FKBP3: variants seen among roughly 807,000 people sequenced by gnomAD.
FKBP3 encodes FKBP prolyl isomerase 3.
Under a neutral mutation model 30.6 loss-of-function variants are expected in FKBP3, and 21 were observed. The observed-to-expected ratio is 0.69, with a 90% CI of 0.49 to 0.99. FKBP3 has a LOEUF of 0.99. Among genes scored for constraint, FKBP3 ranks in the 50% least tolerant of loss-of-function variants. The pLI is 0.00. For synonymous variants in FKBP3, 82 were observed against 91.3 expected (o/e 0.90, Z 0.58); for missense variants, 283 against 261.6 (o/e 1.08, Z -0.56).
At chr14:45,132,154 T>C (rs1377151026) in intron 1 of FKBP3, among the ~76,000 whole-genome samples, 1 of 152,244 alleles carries the variant, frequency 6.6e-6, no homozygotes, top group Non-Finnish European at 1.5e-5. Flanking sequence ...GCTAACACTA[T>C]CACTATTGTA....
chr14:45,122,939 T>C (rs1053720744), intron 3 of FKBP3, among the ~76,000 whole-genome samples: 10 of 151,970 alleles, frequency 6.6e-5, no homozygotes, highest in African/African-American at 2.4e-4. Flanking sequence ...ACACCTGTAA[T>C]CTCAGCACTT....
chr14:45,131,959 A>G (rs2139089312), intron 1 of FKBP3, among the ~76,000 whole-genome samples: 1 of 152,362 alleles, frequency 6.6e-6, no homozygotes, highest in East Asian at 1.9e-4. Flanking sequence ...AAGTCGTAGT[A>G]TAACTTTATC....
intron 5 of FKBP3, among the ~76,000 whole-genome samples, chr14:45,119,114 C>T (rs1367822123): frequency 6.6e-6 from 1 of 152,204 alleles, no homozygotes; most frequent in Non-Finnish European, 1.5e-5. Context: ...GGGTTGGCCT[C>T]TCCATATTTT....
In FKBP3 at chr14:45,129,805, T is replaced by G; in HGVS notation, c.307A>C (p.Thr103Pro). 3.1e-6 allele frequency: 5 copies of G among 1,603,014 alleles called. No homozygotes were observed. Among genetic ancestry groups the G allele is most frequent in the Non-Finnish European group, 4.3e-6 (5 of 1,172,084 alleles). Residue 103 changes from threonine (T) to proline (P), a missense_variant, in exon 3 of 7, where the codon ACC becomes CCC. By Grantham distance (38) the Thr-to-Pro change is conservative (BLOSUM62 -1). Coordinates refer to ENST00000396062, the MANE Select transcript of FKBP3 (RefSeq NM_002013.4). The stretch of plus-strand genomic sequence containing the variant: ...AATTATATACAGACCTCATCCAGGG[T>G]CTCTTCAGACTTGGTTTCTTTGGGT... Reference protein sequence around the residue: ...DKPKETKSEETLDEGPPKYTK... With the variant: ...DKPKETKSEEPLDEGPPKYTK...
intron 5 of FKBP3, among the ~76,000 whole-genome samples, chr14:45,119,303 C>A (rs1884928089): frequency 6.6e-6 from 1 of 152,096 alleles, no homozygotes; most frequent in Non-Finnish European, 1.5e-5. Context: ...GGCAAGGTGG[C>A]TCGTGCCTGT....
At chr14:45,124,575 G>A (rs1246455198) in intron 3 of FKBP3, among the ~76,000 whole-genome samples, 1 of 150,396 alleles carries the variant, frequency 6.6e-6, no homozygotes. Flanking sequence ...CTTTTTTTAA[G>A]AGACAGGGTT....
intron 3 of FKBP3, 129 bp from the exon 4 acceptor site, chr14:45,121,749 A>G (rs561296328): frequency 1.0e-6 from 1 of 994,050 alleles, no homozygotes; most frequent in Non-Finnish European, 1.5e-6. Context: ...AAATAAACAA[A>G]CAAAACCCTC....
chr14:45,121,513 C>T lies in FKBP3; in HGVS notation c.426G>A (p.Gly142=). The T allele has an allele frequency of 6.2e-7, 1 of 1,612,864 alleles. No homozygotes were observed. Among genetic ancestry groups the T allele is most frequent in the Non-Finnish European group, 8.5e-7 (1 of 1,179,408 alleles). Reference sequence around the variant, plus strand: ...TTTGAATATTAGTATCAAAAACAGTCCCATCTTGTAGTGTTCCTGTATACC... The same window carrying T: ...TTTGAATATTAGTATCAAAAACAGTTCCATCTTGTAGTGTTCCTGTATACC... ...HCWYTGTLQD[G]TVFDTNIQTS... Residue 142 remains glycine (G), a synonymous_variant, in exon 4 of 7, where the codon GGG becomes GGA. Transcript: ENST00000396062.
At position 45,120,902 on chromosome 14, in the gene FKBP3, G is replaced by C. The variant is rs1884971124; in HGVS notation, c.507C>G (p.Gly169=). Residue 169 remains glycine, a synonymous_variant, in exon 5 of 7, where the codon GGC becomes GGG. Transcript: ENST00000396062. ...CTTTACTTACTCCTCTGATAACTTTGCCTACTCCGACCTTAAAACTTAAAG... is the reference window on the plus strand; with the variant it reads ...CTTTACTTACTCCTCTGATAACTTTCCCTACTCCGACCTTAAAACTTAAAG... ...AKPLSFKVGV[G]KVIRGWDEAL... The C allele has an allele frequency of 6.2e-7, 1 of 1,612,786 alleles. No homozygotes were observed. Among genetic ancestry groups the C allele is most frequent in the African/African-American group, 1.3e-5 (1 of 74,838 alleles).
At chr14:45,118,646 A>C (rs980365937) in intron 5 of FKBP3, among the ~76,000 whole-genome samples, 13 of 152,114 alleles carry the variant, frequency 8.5e-5, no homozygotes, top group African/African-American at 3.1e-4. Context: ...AACAAACAAA[A>C]AACAAAAAAA....
chr14:45,130,168 C>G (rs1445514858), intron 2 of FKBP3, among the ~76,000 whole-genome samples: 1 of 152,118 alleles, frequency 6.6e-6, no homozygotes, highest in African/African-American at 2.4e-5. Flanking sequence ...CCAACTCATA[C>G]CCAGAGATAT....
At chr14:45,116,610 C>G (rs958152119) in intron 6 of FKBP3, among the ~76,000 whole-genome samples, 3 of 152,076 alleles carry the variant, frequency 2.0e-5, no homozygotes, top group African/African-American at 7.2e-5. Flanking sequence ...AATCCCACCA[C>G]TTTAGGAGGC....
In FKBP3 at chr14:45,128,412, G is replaced by C. The variant is rs1345265580; in HGVS notation, c.318+1382C>G. Among the ~76,000 whole-genome samples, 6 of 152,214 alleles carry C rather than the reference G, an allele frequency of 3.9e-5. No homozygotes were observed. In the East Asian group the frequency reaches 1.2e-3, roughly 29 times the overall value. On this transcript the variant is annotated intron_variant, in intron 3 of 6. Coordinates refer to ENST00000396062, the MANE Select transcript of FKBP3 (RefSeq NM_002013.4). ...AGAAAATGTCAAATACTTTATGTGAGCAATGAGCAATGTGATGGAGAACTG... is the reference window on the plus strand; with the variant it reads ...AGAAAATGTCAAATACTTTATGTGACCAATGAGCAATGTGATGGAGAACTG...
Position 45,134,373 on chromosome 14 carries a change from A to G in FKBP3, c.84T>C (p.Phe28=). The G allele has an allele frequency of 1.2e-6, 2 of 1,613,884 alleles. No individual in the cohort carries two copies. Among genetic ancestry groups the G allele is most frequent in the Non-Finnish European group, 1.7e-6 (2 of 1,179,882 alleles). Residue 28 remains phenylalanine (F), a synonymous_variant, in exon 1 of 7, where the codon TTT becomes TTC. Transcript: ENST00000396062. The stretch of plus-strand genomic sequence containing the variant: ...CCGAATCTGAACCGTGTTCCTGCAG[A>G]AACTTGATAATGTCCTTCTTGGGCA... The part of the protein sequence containing the change: ...EQLPKKDIIK[F]LQEHGSDSFL...
intron 5 of FKBP3, among the ~76,000 whole-genome samples, chr14:45,118,422 G>A (rs1407966327): frequency 1.3e-5 from 2 of 152,030 alleles, no homozygotes; most frequent in Admixed American, 6.6e-5. Flanking sequence ...TTAAGGTCAG[G>A]AGTTTGAGAC....
intron 1 of FKBP3, among the ~76,000 whole-genome samples, chr14:45,132,229 A>G (rs1354052990): frequency 1.3e-5 from 2 of 152,196 alleles, no homozygotes; most frequent in Admixed American, 6.5e-5. Context: ...GAAAGGAGAC[A>G]AAGTTGACTA....
chr14:45,131,883 CT>C (rs891546768), intron 1 of FKBP3, among the ~76,000 whole-genome samples: 2 of 152,160 alleles, frequency 1.3e-5, no homozygotes, highest in African/African-American at 4.8e-5. Flanking sequence ...AGCGGAATTG[CT>C]TTTCTTTCAA....
chr14:45,121,755 C>T, intron 3 of FKBP3, 135 bp from the exon 4 acceptor site: 1 of 900,172 alleles, frequency 1.1e-6, no homozygotes. Flanking sequence ...ACAAACAAAA[C>T]CCTCAGTATC....
chr14:45,123,150 A>C (rs899992561), intron 3 of FKBP3, among the ~76,000 whole-genome samples: 1 of 150,226 alleles, frequency 6.7e-6, no homozygotes. Flanking sequence ...CCAAGATGGC[A>C]CCACTGGGCG....
Sources: gnomAD v4.1 joint callset for allele counts (sites outside exome capture counted in the v4.1 genomes callset) on GRCh38, gnomAD v4.1.1 for gene constraint, MANE v1.5 for transcripts, NCBI Gene and HGNC (gene_info 2026-07-23, HGNC 2026-07-21) for gene names.